Variants in ADRA1A observed in about 807,000 individuals in gnomAD.
The protein encoded by ADRA1A is adrenoceptor alpha 1A, also known as alpha-1A adrenergic receptor.
ADRA1A carries 31 observed loss-of-function variants against 29.6 expected under a neutral mutation model. That is an observed-to-expected ratio of 1.05 (90% CI 0.79 to 1.41). ADRA1A has a LOEUF of 1.41. Ranked by LOEUF, ADRA1A falls within the 40% of genes most tolerant of loss-of-function variation. The probability of loss-of-function intolerance (pLI) is 0.00; values close to 1 mark genes in which losing one functional copy is unlikely to be tolerated. For synonymous variants in ADRA1A, 311 were observed against 254.3 expected (o/e 1.22, Z -2.12); for missense variants, 619 against 601.1 (o/e 1.03, Z -0.31).
Position 26,823,414 on chromosome 8 carries a change from G to C in ADRA1A, c.883+40673C>G, listed in dbSNP as rs928990929. ...CACCAGTGTAATATCTTTGTCCCTG[G>C]TGAGCCGTATCTCTGATACCTTCTA... On this transcript the variant is annotated intron_variant, in intron 2 of 2. Transcript: ENST00000380573. The surrounding 1 kb of genome is among the most constrained non-coding windows in gnomAD (Gnocchi z 4.2). Among the ~76,000 whole-genome samples the C allele has an allele frequency of 6.6e-6, 1 of 152,164 alleles. No individual in the cohort carries two copies. Among genetic ancestry groups the C allele is most frequent in the African/African-American group, 2.4e-5 (1 of 41,426 alleles).
downstream of ADRA1A, among the ~76,000 whole-genome samples, chr8:26,754,039 A>G (rs1471043230): frequency 1.3e-5 from 2 of 152,154 alleles, no homozygotes; most frequent in African/African-American, 4.8e-5. Flanking sequence ...ATATACATTC[A>G]TTTTCTTTGA....
At chr8:26,812,309 A>G (rs1375207274) in intron 2 of ADRA1A, among the ~76,000 whole-genome samples, 1 of 152,182 alleles carries the variant, frequency 6.6e-6, no homozygotes, top group Non-Finnish European at 1.5e-5. Context: ...TACTATCTCC[A>G]TATTCTGTCA....
chr8:26,857,712 C>T (rs1813152075), intron 2 of ADRA1A, among the ~76,000 whole-genome samples: 1 of 152,140 alleles, frequency 6.6e-6, no homozygotes, highest in African/African-American at 2.4e-5. Context: ...TTTTTCTTCA[C>T]ACCATTATCT....
intron 2 of ADRA1A, among the ~76,000 whole-genome samples, chr8:26,817,128 A>T (rs1027100621): frequency 6.6e-6 from 1 of 152,196 alleles, no homozygotes; most frequent in Non-Finnish European, 1.5e-5. Context: ...ATATTTACAA[A>T]CCATATATCT....
At chr8:26,748,601 T>A in exon 3 of ADRA1A, 1 of 422,598 alleles carries the variant, frequency 2.4e-6, no homozygotes, top group African/African-American at 2.1e-5. Context: ...TAGCTGGGCC[T>A]GGTGGCGTCG....
chr8:26,757,074 C>A, intron 2 of ADRA1A: 1 of 702,972 alleles, frequency 1.4e-6, no homozygotes, highest in Non-Finnish European at 2.6e-6. Context: ...TAATTTGGGC[C>A]AACACCAATC....
intron 2 of ADRA1A, among the ~76,000 whole-genome samples, chr8:26,832,329 T>A (rs571098426): frequency 6.6e-6 from 1 of 152,208 alleles, no homozygotes; most frequent in East Asian, 1.9e-4. Context: ...GAAATCCCCC[T>A]CTTAGGAATC....
intron 2 of ADRA1A, among the ~76,000 whole-genome samples, chr8:26,819,332 A>G (rs531960858): frequency 6.6e-6 from 1 of 152,136 alleles, no homozygotes; most frequent in Admixed American, 6.5e-5. Context: ...ATAAAGGGAT[A>G]CTAATAAGTA....
At chr8:26,779,577 A>G (rs1585671401) in intron 2 of ADRA1A, 1 of 566,900 alleles carries the variant, frequency 1.8e-6, no homozygotes, top group Non-Finnish European at 3.1e-6. Flanking sequence ...AGAGATGGCC[A>G]GAAGGGAAGA....
At chr8:26,828,835 G>A (rs1275058209) in intron 2 of ADRA1A, among the ~76,000 whole-genome samples, 1 of 152,072 alleles carries the variant, frequency 6.6e-6, no homozygotes, top group Non-Finnish European at 1.5e-5. Flanking sequence ...CTAGGGACAC[G>A]TGATAACCAC....
intron 2 of ADRA1A, chr8:26,756,865 A>T: frequency 6.4e-7 from 1 of 1,551,062 alleles, no homozygotes; most frequent in Non-Finnish European, 8.7e-7. Flanking sequence ...TCACAATTTT[A>T]TCCTTTTGTA....
downstream of ADRA1A, chr8:26,756,306 A>G: frequency 1.8e-6 from 1 of 554,648 alleles, no homozygotes; most frequent in African/African-American, 2.0e-5. Flanking sequence ...CTTGATGAAT[A>G]CATCTCTTAA....
chr8:26,748,440 TAAA>T, exon 3 of ADRA1A: 1 of 171,130 alleles, frequency 5.8e-6, no homozygotes, highest in Non-Finnish European at 1.2e-5. Context: ...TTAAAAAAGA[TAAA>T]AAAAAAAAAT....
intron 2 of ADRA1A, among the ~76,000 whole-genome samples, chr8:26,829,633 C>T (rs1180309335): frequency 1.3e-5 from 2 of 152,084 alleles, no homozygotes; most frequent in Non-Finnish European, 2.9e-5. Flanking sequence ...GCTTAATCAC[C>T]TCTCAAAGAA....
Position 26,862,126 on chromosome 8 carries a change from T to C in ADRA1A, c.883+1961A>G, listed in dbSNP as rs929199318. 2.6e-5 allele frequency among the ~76,000 whole-genome samples: 4 copies of C among 152,208 alleles called. No individual in the cohort carries two copies. In the South Asian group the frequency reaches 6.2e-4, roughly 24 times the overall value. The stretch of plus-strand genomic sequence containing the variant: ...TGTTGTCTATCTCTCCAATCTCTTC[T>C]TGAACTTGACTGCCCCCTCCCTGTC... On this transcript the variant is annotated intron_variant, in intron 2 of 2. Coordinates refer to ENST00000380573, the MANE Select transcript of ADRA1A (RefSeq NM_000680.4).
At position 26,769,786 on chromosome 8, in the gene ADRA1A, T is replaced by C; in HGVS notation, c.*363A>G. 1 of 1,007,480 alleles carries C rather than the reference T, an allele frequency of 9.9e-7. No individual in the cohort carries two copies. Among genetic ancestry groups the C allele is most frequent in the Non-Finnish European group, 1.2e-6 (1 of 845,062 alleles). 62.4% of individuals were successfully genotyped at this position (1,007,480 alleles called of 1,614,324 possible). A position where few individuals can be genotyped will look rare whatever the true frequency, so the allele number is the denominator to read the frequency against. ...TTCCATCAAGAAATAGCTCCAAACTTAGAGTGTGTGCTCAAAATATTCATG... is the reference window on the plus strand; with the variant it reads ...TTCCATCAAGAAATAGCTCCAAACTCAGAGTGTGTGCTCAAAATATTCATG... On this transcript the variant is annotated 3_prime_UTR_variant, in exon 3 of 3. Transcript: ENST00000380573.
chr8:26,766,107 G>A (rs1285465162), downstream of ADRA1A: 1 of 1,613,508 alleles, frequency 6.2e-7, no homozygotes, highest in Admixed American at 1.7e-5. Flanking sequence ...TGCTTGATAT[G>A]CTCTCTGCAA....
rs1371613574 is a variant in ADRA1A at position 26,783,437 on chromosome 8, A to C, written c.884-12771T>G. ...GTAGGTTAGGGTTATAGTGGTTGAGATATCAGAATTTAATTTTAAGAAATA... is the reference window on the plus strand; with the variant it reads ...GTAGGTTAGGGTTATAGTGGTTGAGCTATCAGAATTTAATTTTAAGAAATA... On this transcript the variant is annotated intron_variant, in intron 2 of 2. Transcript: ENST00000380573. Among the ~76,000 whole-genome samples, 5 of 152,310 alleles carry C rather than the reference A, an allele frequency of 3.3e-5. No individual in the cohort carries two copies. In the South Asian group the frequency reaches 1.0e-3, roughly 32 times the overall value.
At chr8:26,803,709 T>A (rs57629599) in intron 2 of ADRA1A, among the ~76,000 whole-genome samples, 1,607 of 152,112 alleles carry the variant, frequency 0.011, 27 homozygotes, top group African/African-American at 0.037. Flanking sequence ...TATGCAGAAA[T>A]GCTACAACTC....
Sources: gnomAD v4.1 joint callset for allele counts (sites outside exome capture counted in the v4.1 genomes callset) on GRCh38, gnomAD v4.1.1 for gene constraint, Gnocchi (gnomAD v3.1) non-coding constraint, MANE v1.5 for transcripts, NCBI Gene and HGNC (gene_info 2026-07-23, HGNC 2026-07-21) for gene names.